SPMIP7: variants seen among roughly 807,000 people sequenced by gnomAD.
The protein encoded by SPMIP7 is sperm microtubule inner protein 7.
the SPMIP7 span, among the ~76,000 whole-genome samples, chr7:50,155,906 T>C: frequency 4.6e-5 from 7 of 152,270 alleles, no homozygotes; most frequent in Non-Finnish European, 8.8e-5. Flanking sequence ...CTGAGGTAGC[T>C]TCTCTGGGAT....
At chr7:50,157,894 C>CT in the SPMIP7 span, among the ~76,000 whole-genome samples, 54 of 121,704 alleles carry the variant, frequency 4.4e-4, no homozygotes, top group Non-Finnish European at 8.3e-4. Flanking sequence ...ATTTTCAAAG[C>CT]TTTTTTAAAA....
chr7:50,115,262 A>ATAAAATGTATT, the SPMIP7 span, among the ~76,000 whole-genome samples: 1 of 152,302 alleles, frequency 6.6e-6, no homozygotes, highest in East Asian at 1.9e-4. Flanking sequence ...TAAAATGTAC[A>ATAAAATGTATT]TAAAATGTAT....
the SPMIP7 span, among the ~76,000 whole-genome samples, chr7:50,110,084 T>G: frequency 6.6e-6 from 1 of 152,154 alleles, no homozygotes; most frequent in African/African-American, 2.4e-5. Flanking sequence ...TTGAATATTT[T>G]GTAATTCCAT....
the SPMIP7 span, among the ~76,000 whole-genome samples, chr7:50,144,275 T>A: frequency 6.6e-6 from 1 of 152,220 alleles, no homozygotes; most frequent in Non-Finnish European, 1.5e-5. Flanking sequence ...AAGTAAAATA[T>A]CTCTTTCATT....
chr7:50,120,892 T>C, the SPMIP7 span, among the ~76,000 whole-genome samples: 1 of 152,216 alleles, frequency 6.6e-6, no homozygotes, highest in Non-Finnish European at 1.5e-5. Context: ...ACTTAAATAC[T>C]GATGAATTGT....
At chr7:50,107,385 AGAAAAG>A in the SPMIP7 span, among the ~76,000 whole-genome samples, 24 of 42,994 alleles carry the variant, frequency 5.6e-4, no homozygotes, top group South Asian at 1.7e-3. Flanking sequence ...AAAAAAAAAA[AGAAAAG>A]AAAAGAAAAA....
chr7:50,096,022 A>T, the SPMIP7 span: 1 of 1,040,876 alleles, frequency 9.6e-7, no homozygotes. Flanking sequence ...GAGTTTATAT[A>T]GTTAAATATA....
the SPMIP7 span, among the ~76,000 whole-genome samples, chr7:50,110,597 G>A: frequency 7.2e-6 from 1 of 138,464 alleles, no homozygotes; most frequent in Admixed American, 7.5e-5. Context: ...ATTTGACATA[G>A]TATATACTAA....
the SPMIP7 span, among the ~76,000 whole-genome samples, chr7:50,156,023 C>T: frequency 6.6e-6 from 1 of 152,186 alleles, no homozygotes; most frequent in Non-Finnish European, 1.5e-5. Context: ...AAGGCCTGCA[C>T]CTCTGCCTTC....
At chr7:50,107,402 G>GAAA in the SPMIP7 span, among the ~76,000 whole-genome samples, 72 of 97,346 alleles carry the variant, frequency 7.4e-4, no homozygotes, top group African/African-American at 2.8e-3. Flanking sequence ...AAAAGAAAAA[G>GAAA]AAAAAAAAAA....
the SPMIP7 span, among the ~76,000 whole-genome samples, chr7:50,125,540 TCCTA>T: frequency 2.0e-5 from 3 of 150,890 alleles, no homozygotes; most frequent in African/African-American, 7.3e-5. Flanking sequence ...AAAAGTTATT[TCCTA>T]CCTAAGTGTC....
chr7:50,152,067 G>A, the SPMIP7 span, among the ~76,000 whole-genome samples: 1 of 152,216 alleles, frequency 6.6e-6, no homozygotes, highest in Non-Finnish European at 1.5e-5. Context: ...AGGAGATGTG[G>A]CCAGGCATGG....
At chr7:50,143,463 G>C in the SPMIP7 span, among the ~76,000 whole-genome samples, 3 of 152,102 alleles carry the variant, frequency 2.0e-5, no homozygotes, top group African/African-American at 7.2e-5. Flanking sequence ...ACCACACCCG[G>C]CCCAAAAACC....
chr7:50,099,507 C>A, the SPMIP7 span, among the ~76,000 whole-genome samples: 1 of 152,220 alleles, frequency 6.6e-6, no homozygotes, highest in Non-Finnish European at 1.5e-5. Flanking sequence ...GCAAAGCAGG[C>A]ACTTCTTTCA....
chr7:50,145,616 G>GTATATATA, the SPMIP7 span, among the ~76,000 whole-genome samples: 28 of 26,930 alleles, frequency 1.0e-3, no homozygotes, highest in African/African-American at 1.4e-3. Context: ...GTATATGTGT[G>GTATATATA]TGTATATATA....
chr7:50,107,391 G>GAAAAA, the SPMIP7 span, among the ~76,000 whole-genome samples: 1 of 63,902 alleles, frequency 1.6e-5, no homozygotes, highest in Non-Finnish European at 2.9e-5. Context: ...AAAAAGAAAA[G>GAAAAA]AAAAGAAAAA....
the SPMIP7 span, among the ~76,000 whole-genome samples, chr7:50,115,763 A>G: frequency 6.6e-6 from 1 of 152,220 alleles, no homozygotes; most frequent in Non-Finnish European, 1.5e-5. Context: ...ACTGATTAAA[A>G]TACAAGTCAT....
At chr7:50,150,894 T>C in the SPMIP7 span, among the ~76,000 whole-genome samples, 1 of 152,206 alleles carries the variant, frequency 6.6e-6, no homozygotes, top group South Asian at 2.1e-4. Flanking sequence ...CTGTTTAAAT[T>C]CAAATTCTAA....
chr7:50,110,342 T>C, the SPMIP7 span, among the ~76,000 whole-genome samples: 2 of 150,258 alleles, frequency 1.3e-5, no homozygotes, highest in Non-Finnish European at 3.0e-5. Flanking sequence ...AGATCTTTTC[T>C]ACATAGCAAT....
Sources: gnomAD v4.1 joint callset for allele counts (sites outside exome capture counted in the v4.1 genomes callset) on GRCh38, gnomAD v4.1.1 for gene constraint, MANE v1.5 for transcripts, NCBI Gene and HGNC (gene_info 2026-07-23, HGNC 2026-07-21) for gene names.